The following WDR70 variants were observed in gnomAD, a reference collection of about 807,000 sequenced individuals.
WDR70 encodes WD repeat domain 70, also known as WD repeat-containing protein 70.
A neutral mutation model predicts 88.6 loss-of-function variants in WDR70; 53 were observed. That is an observed-to-expected ratio of 0.60 (90% CI 0.48 to 0.75). The LOEUF (loss-of-function observed/expected upper bound fraction) is 0.75. Ranked by LOEUF, WDR70 falls within the 30% of genes least tolerant of loss-of-function variation. WDR70 has a pLI of 0.00. For missense variants in WDR70, 610 were observed against 823.2 expected, an observed-to-expected ratio of 0.74 and a Z score of 3.17; for synonymous variants, 280 against 270.0, an observed-to-expected ratio of 1.04 and a Z score of -0.36.
chr5:37,392,116 T>A lies in WDR70; in HGVS notation c.292T>A (p.Ser98Thr). 1 of 1,604,762 alleles carries A rather than the reference T, an allele frequency of 6.2e-7. No homozygotes were observed. The highest frequency in any genetic ancestry group is 8.5e-7 in the Non-Finnish European group (1 of 1,178,286). ...GGTCAGAGATTGCTCCAAATCATCT[T>A]CCAGGTGCCTGATTTTCAGAAAGAC... ...NVVRDCSKSS[S>T]RDTSSSESEQ... The change falls in exon 4 of 18, where the codon TCC becomes ACC. Residue 98 changes from serine (S) to threonine (T), a missense_variant. Physicochemically the swap from Ser to Thr is moderately conservative, Grantham distance 58. Transcript: ENST00000265107.
chr5:37,622,959 G>A (rs1023574310), intron 10 of WDR70, among the ~76,000 whole-genome samples: 6 of 151,984 alleles, frequency 3.9e-5, no homozygotes, highest in African/African-American at 1.4e-4. Context: ...ATAGAATATA[G>A]CAAATTCTGA....
chr5:37,394,131 C>G (rs1748934265), intron 4 of WDR70, among the ~76,000 whole-genome samples: 1 of 151,802 alleles, frequency 6.6e-6, no homozygotes, highest in Non-Finnish European at 1.5e-5. Flanking sequence ...ATGATGAAAC[C>G]CTGTCTGTAC....
chr5:37,522,677 C>T (rs569075512), intron 9 of WDR70, among the ~76,000 whole-genome samples: 41 of 152,176 alleles, frequency 2.7e-4, no homozygotes, highest in African/African-American at 8.9e-4. Flanking sequence ...CAAAGCAGGG[C>T]GAGGCATCAC....
intron 10 of WDR70, among the ~76,000 whole-genome samples, chr5:37,671,218 G>A (rs987322026): frequency 6.6e-6 from 1 of 152,184 alleles, no homozygotes; most frequent in African/African-American, 2.4e-5. Flanking sequence ...ACAGTCAAAT[G>A]TTGGTACACC....
chr5:37,406,703 C>A (rs1581254289), intron 5 of WDR70, among the ~76,000 whole-genome samples: 1 of 152,092 alleles, frequency 6.6e-6, no homozygotes, highest in African/African-American at 2.4e-5. Flanking sequence ...AATAGGATAG[C>A]AAAAGAGGAA....
chr5:37,517,364 A>AC (rs1368638921), intron 9 of WDR70, among the ~76,000 whole-genome samples: 1 of 127,672 alleles, frequency 7.8e-6, no homozygotes, highest in Admixed American at 9.5e-5. Context: ...TTCCTTGGTT[A>AC]TTAAATTTTT....
At chr5:37,616,763 G>A (rs1475271811) in intron 10 of WDR70, among the ~76,000 whole-genome samples, 1 of 152,114 alleles carries the variant, frequency 6.6e-6, no homozygotes, top group African/African-American at 2.4e-5. Flanking sequence ...GTTTCTCTGT[G>A]CCCAAGATGA....
intron 8 of WDR70, among the ~76,000 whole-genome samples, chr5:37,487,949 G>C (rs1225927728): frequency 6.6e-6 from 1 of 151,972 alleles, no homozygotes; most frequent in African/African-American, 2.4e-5. Context: ...TTTGCCTCCA[G>C]GTATAGGACT....
At chr5:37,724,893 T>C in intron 15 of WDR70, 41 bp from the exon 16 acceptor site, 1 of 1,557,850 alleles carries the variant, frequency 6.4e-7, no homozygotes, top group Admixed American at 1.7e-5. Context: ...GATGGGAAGG[T>C]TATTGTTATA....
At chr5:37,702,023 A>G (rs1385846504) in intron 12 of WDR70, among the ~76,000 whole-genome samples, 1 of 152,106 alleles carries the variant, frequency 6.6e-6, no homozygotes, top group African/African-American at 2.4e-5. Flanking sequence ...GCAAAACTTG[A>G]CCTCTAAGTC....
intron 13 of WDR70, among the ~76,000 whole-genome samples, chr5:37,719,447 A>C (rs1747743306): frequency 6.6e-6 from 1 of 150,878 alleles, no homozygotes; most frequent in Non-Finnish European, 1.5e-5. Context: ...TTGTTTTATC[A>C]TCTTTTAGAA....
At chr5:37,392,340 C>T (rs910805873) in intron 4 of WDR70, among the ~76,000 whole-genome samples, 1 of 151,672 alleles carries the variant, frequency 6.6e-6, no homozygotes, top group Non-Finnish European at 1.5e-5. Context: ...TGCGCTACCA[C>T]CCCTGGCTAA....
At chr5:37,384,348 A>AT (rs375768129) in intron 3 of WDR70, among the ~76,000 whole-genome samples, 61 of 151,744 alleles carry the variant, frequency 4.0e-4, no homozygotes, top group Middle Eastern at 6.8e-3. Context: ...CACCCCACTA[A>AT]TTTTTTGTAT....
intron 10 of WDR70, among the ~76,000 whole-genome samples, chr5:37,671,562 C>G (rs1169941486): frequency 1.3e-5 from 2 of 152,120 alleles, no homozygotes; most frequent in African/African-American, 2.4e-5. Context: ...GACTAGTAAT[C>G]TTTCTATTAA....
At chr5:37,575,404 G>C (rs1383603320) in intron 9 of WDR70, among the ~76,000 whole-genome samples, 1 of 152,134 alleles carries the variant, frequency 6.6e-6, no homozygotes, top group Non-Finnish European at 1.5e-5. Context: ...TTGACTTCTG[G>C]ATGGCTTCAA....
At chr5:37,641,411 C>CTT (rs70978833) in intron 10 of WDR70, among the ~76,000 whole-genome samples, 3,064 of 80,320 alleles carry the variant, frequency 0.038, 159 homozygotes, top group African/African-American at 0.093. Flanking sequence ...TGTCCACATC[C>CTT]TTTTTTTTTT....
intron 9 of WDR70, among the ~76,000 whole-genome samples, chr5:37,571,823 G>A (rs1422611473): frequency 6.6e-6 from 1 of 152,046 alleles, no homozygotes; most frequent in Non-Finnish European, 1.5e-5. Context: ...GATTTTAGGG[G>A]CTTGATTATT....
chr5:37,679,287 C>G (rs1282913840), intron 10 of WDR70, among the ~76,000 whole-genome samples: 1 of 152,104 alleles, frequency 6.6e-6, no homozygotes, highest in African/African-American at 2.4e-5. Flanking sequence ...AACTGCATTC[C>G]TTTGGAGGAG....
At chr5:37,432,543 C>G (rs569923573) in intron 5 of WDR70, among the ~76,000 whole-genome samples, 9 of 151,076 alleles carry the variant, frequency 6.0e-5, no homozygotes, top group African/African-American at 2.2e-4. Context: ...CGTGTGCCAC[C>G]ACGCCCGGCT....
Sources: allele counts gnomAD v4.1 joint callset (sites outside exome capture counted in the v4.1 genomes callset), GRCh38; gene constraint gnomAD v4.1.1; transcripts MANE v1.5; gene names NCBI Gene and HGNC (gene_info 2026-07-23, HGNC 2026-07-21).